The following CSF2RA variants were observed in gnomAD, a reference collection of about 807,000 sequenced individuals.
The protein encoded by CSF2RA is colony stimulating factor 2 receptor subunit alpha.
Under a neutral mutation model 51.6 loss-of-function variants are expected in CSF2RA, and 42 were observed. That is an observed-to-expected ratio of 0.81 (90% CI 0.64 to 1.05). CSF2RA has a LOEUF of 1.05. Among genes scored for constraint, CSF2RA ranks in the 50% least tolerant of loss-of-function variants. CSF2RA has a pLI of 0.00. For synonymous variants in CSF2RA, 222 were observed against 193.0 expected, an observed-to-expected ratio of 1.15 and a Z score of -1.24; for missense variants, 530 against 501.1, an observed-to-expected ratio of 1.06 and a Z score of -0.55.
Position 1,309,800 on chromosome X carries a change from A to T in CSF2RA, c.*321A>T. The T allele has an allele frequency of 1.6e-6, 1 of 624,474 alleles. No homozygotes were observed. Among genetic ancestry groups the T allele is most frequent in the Non-Finnish European group, 2.9e-6 (1 of 350,772 alleles). The allele number at this position is 624,474 out of a possible 1,614,324, so 38.7% of individuals were successfully genotyped here. A position where few individuals can be genotyped will look rare whatever the true frequency, so the allele number is the denominator to read the frequency against. ...CTACTTGGGAGGCTGAGGCAGGAGA[A>T]TTGCTTGAACCCGTGAGGCGGAGGT... is the stretch of plus-strand genomic sequence containing the variant. On this transcript the variant is annotated 3_prime_UTR_variant, in exon 13 of 13. Transcript: ENST00000381529.
chrX:1,323,128 C>A, the CSF2RA span, among the ~76,000 whole-genome samples: 2 of 83,456 alleles, frequency 2.4e-5, no homozygotes, highest in Non-Finnish European at 5.3e-5. Context: ...GATTCCGTCT[C>A]AAAAAAAATA....
At chrX:1,281,924 G>C (rs1412301655) in intron 2 of CSF2RA, 2 of 147,358 alleles carry the variant, frequency 1.4e-5, no homozygotes, top group African/African-American at 2.5e-5. Context: ...GGCCGGGCAC[G>C]GTGGCTCACG....
In CSF2RA at chrX:1,285,619, C is replaced by T. The variant is rs1230344853; in HGVS notation, c.77-159C>T. On this transcript the variant is annotated intron_variant, in intron 3 of 12. Coordinates refer to ENST00000381529, the MANE Select transcript of CSF2RA (RefSeq NM_172245.4). ...CTGAGGCAGGAGAATCATTTGAACC[C>T]GGGTGGTGGAGCTTGCAGCTTGCAG... 3.9e-5 allele frequency: 30 copies of T among 771,154 alleles called. No homozygotes were observed. The African/African-American group carries it at 6.7e-4, about 17-fold the overall frequency. The allele number at this position is 771,154 out of a possible 1,614,324, so 47.8% of individuals were successfully genotyped here.
At position 1,309,121 on chromosome X, in the gene CSF2RA, A is replaced by G. The variant is rs149219955; in HGVS notation, c.1126-281A>G. Among the ~76,000 whole-genome samples the G allele has an allele frequency of 1.9e-4, 29 of 152,092 alleles. No individual in the cohort carries two copies. The East Asian group carries it at 5.5e-3, about 29-fold the overall frequency. On this transcript the variant is annotated intron_variant, in intron 12 of 12. Coordinates refer to ENST00000381529, the MANE Select transcript of CSF2RA (RefSeq NM_172245.4). ...AAAGGGGGAAAGGTGGGCCTCATCT[A>G]ATCAGTCGAAGGTCTAAAGGGGGAA...
At chrX:1,292,964 C>T (rs1292754091) in intron 7 of CSF2RA, among the ~76,000 whole-genome samples, 8 of 152,132 alleles carry the variant, frequency 5.3e-5, no homozygotes, top group Non-Finnish European at 8.8e-5. Flanking sequence ...GAGGTCCCTG[C>T]GGCTTTCCGC....
In CSF2RA at chrX:1,288,565, A is replaced by G. The variant is rs746838356; in HGVS notation, c.266A>G (p.His89Arg). Residue 89 changes from histidine to arginine, a missense_variant, in exon 5 of 13, where the codon CAT (histidine) becomes CGT (arginine). By Grantham distance (29) the His-to-Arg change is conservative. Transcript: ENST00000381529. Reference sequence around the variant, plus strand: ...TGCACATTTCGTGAAATTTGTCTGCATGAAGGAGTCACATTTGAGGTTCAC... The same window carrying G: ...TGCACATTTCGTGAAATTTGTCTGCGTGAAGGAGTCACATTTGAGGTTCAC... Reference protein sequence around the residue: ...CSCTFREICLHEGVTFEVHVN... With the variant: ...CSCTFREICLREGVTFEVHVN... The G allele has an allele frequency of 8.1e-6, 13 of 1,613,936 alleles. 1 individual carries two copies. In the Admixed American group the frequency reaches 1.8e-4, roughly 23 times the overall value.
chrX:1,324,546 G>C, the CSF2RA span, among the ~76,000 whole-genome samples: 1 of 145,288 alleles, frequency 6.9e-6, no homozygotes, highest in African/African-American at 2.5e-5. Context: ...GGGAGGAAGG[G>C]AAAGAAAGGA....
rs2083458589 is a variant in CSF2RA, at chrX:1,305,435, CT to C, written c.1044-10del. 1 of 1,613,948 alleles carries C rather than the reference CT, an allele frequency of 6.2e-7. No homozygotes were observed. Among genetic ancestry groups the C allele is most frequent in the East Asian group, 2.2e-5 (1 of 44,888 alleles). ...GGTTCATTCTCTTCACACTTTTTCT[CT>C]GTGTCTCAGGTTCCTTAGGATACAG... is the stretch of plus-strand genomic sequence containing the variant. On this transcript the variant is annotated splice_polypyrimidine_tract_variant and intron_variant, in intron 11 of 12. Coordinates refer to ENST00000381529, the MANE Select transcript of CSF2RA (RefSeq NM_172245.4).
At chrX:1,323,763 C>T in the CSF2RA span, among the ~76,000 whole-genome samples, 1 of 151,074 alleles carries the variant, frequency 6.6e-6, no homozygotes, top group Non-Finnish European at 1.5e-5. Flanking sequence ...GCCTGTAATC[C>T]CAGCACTTTG....
At chrX:1,311,217 C>G (rs773193630), downstream of CSF2RA, among the ~76,000 whole-genome samples, 13 of 151,374 alleles carry the variant, frequency 8.6e-5, no homozygotes, top group South Asian at 1.5e-3. Context: ...CCATTGCACT[C>G]CAGCCTGGGC....
At chrX:1,275,946 G>A (rs751209363) in intron 2 of CSF2RA, among the ~76,000 whole-genome samples, 1 of 152,010 alleles carries the variant, frequency 6.6e-6, no homozygotes, top group East Asian at 1.9e-4. Flanking sequence ...GCTCACCTCG[G>A]CCTCCCAAAG....
intron 11 of CSF2RA, among the ~76,000 whole-genome samples, chrX:1,304,363 G>A: frequency 7.2e-6 from 1 of 137,972 alleles, no homozygotes. Flanking sequence ...TTGCACCACT[G>A]CACTCCAGCC....
At chrX:1,285,064 A>T (rs28433117) in intron 3 of CSF2RA, among the ~76,000 whole-genome samples, 33,565 of 148,062 alleles carry the variant, frequency 0.23, 4,054 homozygotes, top group East Asian at 0.28. Context: ...TTAAATTTTT[A>T]AAAAAAAATT....
In CSF2RA at chrX:1,289,469, GT is replaced by G. The variant is rs1324552749; in HGVS notation, c.473+585del. ...TGTTTTGTTTTGTGTTTTTTGTTTT[GT>G]TTTGTGTTTCTTTTTGTTTTGCCTT... On this transcript the variant is annotated intron_variant, in intron 6 of 12. Coordinates refer to ENST00000381529, the MANE Select transcript of CSF2RA (RefSeq NM_172245.4). Among the ~76,000 whole-genome samples, 131 of 151,940 alleles carry G rather than the reference GT, an allele frequency of 8.6e-4. 3 individuals are homozygous for G. Among genetic ancestry groups the G allele is most frequent in the Middle Eastern group, 3.4e-3 (1 of 294 alleles).
intron 4 of CSF2RA, chrX:1,287,268 C>A (rs1437319713): frequency 6.7e-6 from 1 of 149,762 alleles, no homozygotes; most frequent in African/African-American, 2.5e-5. Context: ...ATTCTCCTAT[C>A]TCAGCCTCCT....
At chrX:1,273,429 C>T (rs1159958971) in intron 1 of CSF2RA, among the ~76,000 whole-genome samples, 1 of 151,986 alleles carries the variant, frequency 6.6e-6, no homozygotes, top group African/African-American at 2.4e-5. Flanking sequence ...CTCCTGCCTC[C>T]TCAGCCTTCC....
intron 9 of CSF2RA, among the ~76,000 whole-genome samples, chrX:1,297,874 C>T (rs1167191341): frequency 4.1e-4 from 24 of 58,286 alleles, no homozygotes; most frequent in South Asian, 2.0e-3. Context: ...TGACCCCTGG[C>T]GGAACCCTAC....
the CSF2RA span, among the ~76,000 whole-genome samples, chrX:1,323,570 C>T: frequency 5.9e-5 from 9 of 151,678 alleles, no homozygotes; most frequent in South Asian, 6.2e-4. Context: ...GACCGCACCT[C>T]GAGAAGTGGG....
Position 1,282,462 on chromosome X carries a change from C to T in CSF2RA, c.-26-216C>T, listed in dbSNP as rs868624819. The stretch of plus-strand genomic sequence containing the variant: ...GGAAGCTTGACTCTAGATTGACCAT[C>T]TTGAGATGCCAAAGATGTCCACGTC... On this transcript the variant is annotated intron_variant, in intron 2 of 12. Coordinates refer to ENST00000381529, the MANE Select transcript of CSF2RA (RefSeq NM_172245.4). 35 of 613,592 alleles carry T rather than the reference C, an allele frequency of 5.7e-5. 1 individual carries two copies. Among genetic ancestry groups the T allele is most frequent in the Middle Eastern group, 8.7e-4 (2 of 2,286 alleles). The allele number at this position is 613,592 out of a possible 1,614,324, so 38.0% of individuals were successfully genotyped here.
Sources: gnomAD v4.1 joint callset for allele counts (sites outside exome capture counted in the v4.1 genomes callset) on GRCh38, gnomAD v4.1.1 for gene constraint, MANE v1.5 for transcripts, NCBI Gene and HGNC (gene_info 2026-07-23, HGNC 2026-07-21) for gene names.